The following RNF152 variants were observed in gnomAD, a reference collection of about 807,000 sequenced individuals.
The protein encoded by RNF152 is E3 ubiquitin-protein ligase RNF152.
RNF152 carries 11 observed loss-of-function variants against 12.7 expected under a neutral mutation model. The observed-to-expected ratio is 0.86, with a 90% confidence interval of 0.54 to 1.43. RNF152 has a LOEUF of 1.43. Among genes scored for constraint, RNF152 ranks in the 40% most tolerant of loss-of-function variants. RNF152 has a pLI of 0.00. For synonymous variants in RNF152, 113 were observed against 120.3 expected, an observed-to-expected ratio of 0.94 and a Z score of 0.40; for missense variants, 255 against 274.8, an observed-to-expected ratio of 0.93 and a Z score of 0.51.
In RNF152 at chr18:61,815,491, G is replaced by A. The variant is rs182685095; in HGVS notation, c.*361C>T. ...CAGAGCATCTTTGTTTGAATCTACC[G>A]CATTTAGAGAAGGTCACATTGTACG... is the stretch of plus-strand genomic sequence containing the variant. On this transcript the variant is annotated 3_prime_UTR_variant, in exon 2 of 2. Transcript: ENST00000312828. 2.4e-4 allele frequency: 42 copies of A among 173,714 alleles called. No homozygotes were observed. The highest frequency in any genetic ancestry group is 3.5e-4 in the Non-Finnish European group (29 of 82,096). The allele number at this position is 173,714 out of a possible 1,614,324, so 10.8% of individuals were successfully genotyped here.
chr18:61,852,213 A>G (rs1017969410), intron 1 of RNF152, among the ~76,000 whole-genome samples: 2 of 152,234 alleles, frequency 1.3e-5, no homozygotes, highest in African/African-American at 4.8e-5. Flanking sequence ...ATAAGGACAT[A>G]AGACAGAAGT....
chr18:61,822,568 T>C (rs1240235798), intron 1 of RNF152, among the ~76,000 whole-genome samples: 1 of 152,224 alleles, frequency 6.6e-6, no homozygotes, highest in African/African-American at 2.4e-5. Flanking sequence ...CAGTTGCTTT[T>C]AGAAGTCTAG....
rs1309325372 is a variant in RNF152, at chr18:61,865,984, A to G, written c.-136+26811T>C. ...ATATAAGGCTTCTTAAATTTCACCAAGCCCTGGTTATTCTGCCTCCTAAAA... is the reference window on the plus strand; with the variant it reads ...ATATAAGGCTTCTTAAATTTCACCAGGCCCTGGTTATTCTGCCTCCTAAAA... On this transcript the variant is annotated intron_variant, in intron 1 of 1. Transcript: ENST00000312828. 2.0e-5 allele frequency among the ~76,000 whole-genome samples: 3 copies of G among 152,210 alleles called. 1 individual carries two copies. The highest frequency in any genetic ancestry group is 6.3e-3 in the Middle Eastern group (2 of 316).
At chr18:61,836,001 T>C (rs1247428858) in intron 1 of RNF152, among the ~76,000 whole-genome samples, 2 of 152,148 alleles carry the variant, frequency 1.3e-5, no homozygotes, top group African/African-American at 2.4e-5. Context: ...ATTGGAACCA[T>C]CAGATTACAC....
Position 61,808,426 on chromosome 18 carries a change from A to G in RNF152, c.*7426T>C, listed in dbSNP as rs1412487755. On this transcript the variant is annotated 3_prime_UTR_variant, in exon 2 of 2. Transcript: ENST00000312828. Reference sequence around the variant, plus strand: ...AAAAAAAAAAAAGCTCCTAAAATAAATAATCCACATAATTGTAAATGAAAC... The same window carrying G: ...AAAAAAAAAAAAGCTCCTAAAATAAGTAATCCACATAATTGTAAATGAAAC... The G allele has an allele frequency of 1.3e-5, 2 of 151,266 alleles. No homozygotes were observed. Among genetic ancestry groups the G allele is most frequent in the African/African-American group, 4.9e-5 (2 of 41,002 alleles). The allele number at this position is 151,266 out of a possible 1,614,324, so 9.4% of individuals were successfully genotyped here.
At chr18:61,850,403 GACAAA>G (rs1012558388) in intron 1 of RNF152, among the ~76,000 whole-genome samples, 1 of 152,158 alleles carries the variant, frequency 6.6e-6, no homozygotes, top group Non-Finnish European at 1.5e-5. Context: ...TGAAATAGGT[GACAAA>G]ACAAAATTTC....
In RNF152 at chr18:61,817,699, T is replaced by C. The variant is rs140003249; in HGVS notation, c.-135-1101A>G. ...TCACTAATTGAAATCAAATATTCTA[T>C]AGTTAAAGGTTGACAGGGAAGTCTG... On this transcript the variant is annotated intron_variant, in intron 1 of 1. Transcript: ENST00000312828. Among the ~76,000 whole-genome samples, 661 of 150,586 alleles carry C rather than the reference T, an allele frequency of 4.4e-3. 5 individuals carry two copies. The highest frequency in any genetic ancestry group is 0.017 in the Middle Eastern group (5 of 294).
chr18:61,865,406 A>G (rs2144725407), intron 1 of RNF152, among the ~76,000 whole-genome samples: 1 of 152,334 alleles, frequency 6.6e-6, no homozygotes, highest in East Asian at 1.9e-4. Context: ...CAGCTTGAGA[A>G]TTTGAAAGGA....
At chr18:61,816,940 A>G (rs1388389173) in intron 1 of RNF152, among the ~76,000 whole-genome samples, 1 of 152,224 alleles carries the variant, frequency 6.6e-6, no homozygotes, top group Non-Finnish European at 1.5e-5. Flanking sequence ...TATACTAGAG[A>G]AACTTTCCTG....
At chr18:61,823,133 T>C (rs1377622591) in intron 1 of RNF152, among the ~76,000 whole-genome samples, 3 of 152,356 alleles carry the variant, frequency 2.0e-5, no homozygotes, top group East Asian at 1.9e-4. Flanking sequence ...CGTAGTCCAA[T>C]TGACGTAACT....
chr18:61,828,954 G>A (rs1389064281), intron 1 of RNF152, among the ~76,000 whole-genome samples: 2 of 152,068 alleles, frequency 1.3e-5, no homozygotes, highest in Non-Finnish European at 2.9e-5. Flanking sequence ...ATGTCTGTCT[G>A]GGGCATCCAG....
intron 1 of RNF152, among the ~76,000 whole-genome samples, chr18:61,891,845 G>A (rs548948964): frequency 1.2e-3 from 187 of 152,340 alleles, no homozygotes; most frequent in Non-Finnish European, 1.7e-3. Context: ...AGGTGTTACT[G>A]CAATGTAAAA....
Position 61,810,963 on chromosome 18 carries a change from G to A in RNF152, c.*4889C>T, listed in dbSNP as rs986262345. On this transcript the variant is annotated 3_prime_UTR_variant, in exon 2 of 2. Transcript: ENST00000312828. ...TTTCTGAGAAAAGATAGAAATTGAA[G>A]TCTTTTGTGTATCACTCCTTTTGCA... The A allele has an allele frequency of 6.6e-5, 10 of 150,940 alleles. No individual in the cohort carries two copies. The highest frequency in any genetic ancestry group is 2.4e-4 in the African/African-American group (10 of 40,982). The allele number at this position is 150,940 out of a possible 1,614,324, so 9.4% of individuals were successfully genotyped here. A position where few individuals can be genotyped will look rare whatever the true frequency, so the allele number is the denominator to read the frequency against.
At position 61,844,069 on chromosome 18, in the gene RNF152, GA is replaced by G. The variant is rs1384791140; in HGVS notation, c.-135-27472del. 1.4e-3 allele frequency among the ~76,000 whole-genome samples: 168 copies of G among 119,656 alleles called. 1 individual carries two copies. The highest frequency in any genetic ancestry group is 5.1e-3 in the African/African-American group (160 of 31,494). The allele number at this position is 119,656 out of a possible 152,430, so 78.5% of individuals were successfully genotyped here. The stretch of plus-strand genomic sequence containing the variant: ...AAGAAAAAAGAAAGAGAGAAAGACA[GA>G]AAGAAAGGAAAGAAAGAAAGAAAGA... On this transcript the variant is annotated intron_variant, in intron 1 of 1. Transcript: ENST00000312828.
In RNF152 at chr18:61,821,169, G is replaced by C. The variant is rs146129614; in HGVS notation, c.-135-4571C>G. Among the ~76,000 whole-genome samples, 7 of 152,294 alleles carry C rather than the reference G, an allele frequency of 4.6e-5. No homozygotes were observed. In the East Asian group the frequency reaches 1.3e-3, roughly 29 times the overall value. The stretch of plus-strand genomic sequence containing the variant: ...TTCCTGGCCCTGCCCCAAGACCTGC[G>C]TACCATCATTGGTCAACAAAACCAA... On this transcript the variant is annotated intron_variant, in intron 1 of 1. Coordinates refer to ENST00000312828, the MANE Select transcript of RNF152 (RefSeq NM_173557.3).
At chr18:61,866,821 T>C (rs939072242) in intron 1 of RNF152, among the ~76,000 whole-genome samples, 2 of 152,164 alleles carry the variant, frequency 1.3e-5, no homozygotes, top group East Asian at 1.9e-4. Context: ...GAGCAGCACA[T>C]GACAAGACAG....
At chr18:61,841,891 CA>C (rs1910470589) in intron 1 of RNF152, among the ~76,000 whole-genome samples, 1 of 152,202 alleles carries the variant, frequency 6.6e-6, no homozygotes, top group Admixed American at 6.5e-5. Flanking sequence ...TGCCACACAG[CA>C]TCTGTTACAA....
At position 61,814,009 on chromosome 18, in the gene RNF152, C is replaced by T. The variant is rs996902670; in HGVS notation, c.*1843G>A. 1 of 152,170 alleles carries T rather than the reference C, an allele frequency of 6.6e-6. No individual in the cohort carries two copies. The highest frequency in any genetic ancestry group is 6.5e-5 in the Admixed American group (1 of 15,274). 9.4% of individuals were successfully genotyped at this position (152,170 alleles called of 1,614,324 possible). ...CCCAAGAGCTTACACAATAAAATGG[C>T]ATTTTAACCTAATTTCTATTTTGAG... On this transcript the variant is annotated 3_prime_UTR_variant, in exon 2 of 2. Coordinates refer to ENST00000312828, the MANE Select transcript of RNF152 (RefSeq NM_173557.3).
At chr18:61,889,367 C>T (rs1340291874) in intron 1 of RNF152, among the ~76,000 whole-genome samples, 1 of 152,166 alleles carries the variant, frequency 6.6e-6, no homozygotes, top group Non-Finnish European at 1.5e-5. Flanking sequence ...AGGTATTTAT[C>T]AAATCTTTAA....
Sources: allele counts gnomAD v4.1 joint callset (sites outside exome capture counted in the v4.1 genomes callset), GRCh38; gene constraint gnomAD v4.1.1; transcripts MANE v1.5; gene names NCBI Gene and HGNC (gene_info 2026-07-23, HGNC 2026-07-21).